DNAJC1: variants seen among roughly 807,000 people sequenced by gnomAD.
The protein encoded by DNAJC1 is dnaJ homolog subfamily C member 1.
A neutral mutation model predicts 76.6 loss-of-function variants in DNAJC1; 58 were observed. That is an observed-to-expected ratio of 0.76 (90% CI 0.61 to 0.94). DNAJC1 has a LOEUF of 0.94. Ranked by LOEUF, DNAJC1 falls within the 40% of genes least tolerant of loss-of-function variation. The pLI, the probability that DNAJC1 is intolerant of heterozygous loss-of-function variation, is 0.00. For missense variants in DNAJC1, 689 were observed against 677.3 expected, an observed-to-expected ratio of 1.02 and a Z score of -0.19; for synonymous variants, 258 against 267.9, an observed-to-expected ratio of 0.96 and a Z score of 0.36.
chr10:21,802,550 A>C (rs1210901055), intron 9 of DNAJC1, among the ~76,000 whole-genome samples: 1 of 152,116 alleles, frequency 6.6e-6, no homozygotes, highest in Non-Finnish European at 1.5e-5. Context: ...ATATATAACT[A>C]CACACCCCTT....
intron 1 of DNAJC1, among the ~76,000 whole-genome samples, chr10:21,952,458 T>A (rs1236833646): frequency 5.3e-5 from 8 of 152,156 alleles, no homozygotes; most frequent in Admixed American, 3.9e-4. Flanking sequence ...TTCTTTTTGT[T>A]TTTTTAAAGA....
At chr10:21,896,685 T>C (rs569997189) in intron 7 of DNAJC1, among the ~76,000 whole-genome samples, 2 of 152,220 alleles carry the variant, frequency 1.3e-5, no homozygotes, top group South Asian at 4.1e-4. Flanking sequence ...TTGGGGGCTA[T>C]TGGTATTTAA....
intron 7 of DNAJC1, among the ~76,000 whole-genome samples, chr10:21,891,639 G>T (rs781540398): frequency 1.6e-4 from 24 of 152,212 alleles, no homozygotes; most frequent in Non-Finnish European, 2.9e-4. Flanking sequence ...AACCATAGAG[G>T]CCAGAAGGAA....
At position 21,987,011 on chromosome 10, in the gene DNAJC1, A is replaced by G. The variant is rs530671843; in HGVS notation, c.222+16202T>C. Among the ~76,000 whole-genome samples the G allele has an allele frequency of 5.3e-5, 8 of 151,914 alleles. 1 individual carries two copies. In the South Asian group the frequency reaches 1.7e-3, roughly 32 times the overall value. ...TCAAACTCCTGACCTCAAGTGATCC[A>G]CCCTCCTTGGCCACCCAAAGTGCTG... On this transcript the variant is annotated intron_variant, in intron 1 of 11. Coordinates refer to ENST00000376980, the MANE Select transcript of DNAJC1 (RefSeq NM_022365.4).
intron 3 of DNAJC1, among the ~76,000 whole-genome samples, chr10:21,927,615 A>T (rs907988802): frequency 1.3e-5 from 2 of 152,244 alleles, no homozygotes; most frequent in African/African-American, 2.4e-5. Flanking sequence ...AATAAATAAA[A>T]AACACCAAAA....
chr10:21,850,309 G>A (rs757220600), intron 8 of DNAJC1, among the ~76,000 whole-genome samples: 1 of 152,044 alleles, frequency 6.6e-6, no homozygotes, highest in Non-Finnish European at 1.5e-5. Context: ...TGGGTTTCTA[G>A]ACACTAACAA....
At chr10:21,823,738 T>TA (rs78004342) in intron 8 of DNAJC1, among the ~76,000 whole-genome samples, 4,174 of 131,390 alleles carry the variant, frequency 0.032, 90 homozygotes, top group Middle Eastern at 0.071. Context: ...CTGACCAGCT[T>TA]AAAAAAAAAA....
chr10:21,951,405 C>G (rs1472312851), intron 1 of DNAJC1, among the ~76,000 whole-genome samples: 3 of 151,430 alleles, frequency 2.0e-5, no homozygotes, highest in Non-Finnish European at 4.4e-5. Flanking sequence ...AAGCAGAAAA[C>G]TTAATCTGGC....
chr10:21,956,839 C>T (rs1051791641), intron 1 of DNAJC1, among the ~76,000 whole-genome samples: 1 of 151,106 alleles, frequency 6.6e-6, no homozygotes, highest in African/African-American at 2.4e-5. Context: ...CACACACACA[C>T]ACACACACAC....
At chr10:21,912,138 G>A (rs902242368) in intron 6 of DNAJC1, among the ~76,000 whole-genome samples, 13 of 152,012 alleles carry the variant, frequency 8.6e-5, no homozygotes, top group African/African-American at 3.1e-4. Context: ...TCTAGTTATC[G>A]ACCTGGGGCG....
chr10:22,002,388 C>T (rs988850717), intron 1 of DNAJC1, among the ~76,000 whole-genome samples: 1 of 151,968 alleles, frequency 6.6e-6, no homozygotes, highest in African/African-American at 2.4e-5. Context: ...CTCAACCACC[C>T]TCAATGGTAG....
chr10:21,972,655 T>C (rs577567887), intron 1 of DNAJC1, among the ~76,000 whole-genome samples: 41 of 152,170 alleles, frequency 2.7e-4, no homozygotes, highest in African/African-American at 9.6e-4. Flanking sequence ...CTATAAATAA[T>C]TCCTATTTGT....
intron 1 of DNAJC1, among the ~76,000 whole-genome samples, chr10:21,979,529 C>T (rs919236111): frequency 1.3e-5 from 2 of 151,940 alleles, no homozygotes; most frequent in South Asian, 4.2e-4. Context: ...TGTACCTCAA[C>T]CCTATTTTTC....
intron 9 of DNAJC1, among the ~76,000 whole-genome samples, chr10:21,773,677 C>T (rs1454648562): frequency 6.6e-6 from 1 of 152,088 alleles, no homozygotes; most frequent in Non-Finnish European, 1.5e-5. Flanking sequence ...TTTAACTGTC[C>T]ATCTCTTCCT....
chr10:21,994,298 A>C (rs1838377487), intron 1 of DNAJC1, among the ~76,000 whole-genome samples: 1 of 152,164 alleles, frequency 6.6e-6, no homozygotes, highest in Non-Finnish European at 1.5e-5. Context: ...TTTAAGAGAC[A>C]GCAGCATGTT....
intron 7 of DNAJC1, among the ~76,000 whole-genome samples, chr10:21,883,841 T>TA (rs1382056073): frequency 1.3e-5 from 2 of 152,130 alleles, no homozygotes; most frequent in Non-Finnish European, 2.9e-5. Flanking sequence ...TGCACTATCA[T>TA]AAAGTCAAAA....
intron 8 of DNAJC1, among the ~76,000 whole-genome samples, chr10:21,828,493 G>T (rs746256383): frequency 1.3e-5 from 2 of 152,196 alleles, no homozygotes; most frequent in Non-Finnish European, 2.9e-5. Flanking sequence ...TGGCAGCGGG[G>T]TGTACTGGAT....
chr10:21,814,907 C>T (rs966779497), intron 8 of DNAJC1, among the ~76,000 whole-genome samples: 8 of 152,100 alleles, frequency 5.3e-5, no homozygotes, highest in African/African-American at 1.9e-4. Flanking sequence ...CTCCTCTAGC[C>T]CTTATGTTGA....
At chr10:21,939,037 C>T (rs1452715055) in intron 1 of DNAJC1, among the ~76,000 whole-genome samples, 1 of 152,052 alleles carries the variant, frequency 6.6e-6, no homozygotes, top group African/African-American at 2.4e-5. Context: ...ACCACAGGCA[C>T]GTGCCACCAC....
Sources: gnomAD v4.1 joint callset for allele counts (sites outside exome capture counted in the v4.1 genomes callset) on GRCh38, gnomAD v4.1.1 for gene constraint, MANE v1.5 for transcripts, NCBI Gene and HGNC (gene_info 2026-07-23, HGNC 2026-07-21) for gene names.